Variants in TRHDE observed in about 807,000 individuals in gnomAD.
TRHDE encodes the protein thyrotropin releasing hormone degrading enzyme.
TRHDE carries 72 observed loss-of-function variants against 125.7 expected under a neutral mutation model. That is an observed-to-expected ratio of 0.57 (90% confidence interval 0.47 to 0.70). TRHDE has a LOEUF of 0.70. TRHDE is among the 30% of genes least tolerant of loss of function. TRHDE has a pLI of 0.00. For missense variants in TRHDE, 1,110 were observed against 1,327.1 expected, an observed-to-expected ratio of 0.84 and a Z score of 2.54; for synonymous variants, 509 against 509.1, an observed-to-expected ratio of 1.00 and a Z score of 0.00.
chr12:72,131,500 C>T (rs1875865830), intron 2 of TRHDE, among the ~76,000 whole-genome samples: 1 of 151,830 alleles, frequency 6.6e-6, no homozygotes, highest in Admixed American at 6.6e-5. Flanking sequence ...CCCCTTTTCC[C>T]ATATATCTTT....
chr12:72,638,598 C>G (rs1295702139), intron 15 of TRHDE, among the ~76,000 whole-genome samples: 3 of 151,894 alleles, frequency 2.0e-5, no homozygotes, highest in Non-Finnish European at 4.4e-5. Flanking sequence ...TCTTCCTAGT[C>G]TCGATGGTCT....
intron 2 of TRHDE, among the ~76,000 whole-genome samples, chr12:72,360,555 C>A (rs1456310646): frequency 6.6e-6 from 1 of 151,642 alleles, no homozygotes; most frequent in East Asian, 1.9e-4. Flanking sequence ...TATTTCATAC[C>A]CATTGTTTAA....
At chr12:72,222,053 C>T (rs555654679) in intron 2 of TRHDE, among the ~76,000 whole-genome samples, 50 of 152,076 alleles carry the variant, frequency 3.3e-4, no homozygotes, top group African/African-American at 1.1e-3. Context: ...ACATCGTGGT[C>T]GAAGGCTTCA....
rs1025591980 is a variant in TRHDE at position 72,468,390 on chromosome 12, T to G, written c.1316-1368T>G. 1.3e-5 allele frequency among the ~76,000 whole-genome samples: 2 copies of G among 152,360 alleles called. 1 individual carries two copies. The highest frequency in any genetic ancestry group is 2.9e-5 in the Non-Finnish European group (2 of 68,036). The stretch of plus-strand genomic sequence containing the variant: ...ATATACATATTTCTCAGTTTCTTTG[T>G]CCTTTGCTTAAAAGCACTTAATTTT... On this transcript the variant is annotated intron_variant, in intron 3 of 18. Transcript: ENST00000261180.
intron 15 of TRHDE, among the ~76,000 whole-genome samples, chr12:72,624,766 A>G (rs1873190869): frequency 6.6e-6 from 1 of 151,964 alleles, no homozygotes; most frequent in Admixed American, 6.6e-5. Context: ...ATTGAGCTAC[A>G]TTCAGGTCTT....
chr12:72,639,951 T>C (rs1246080164), intron 15 of TRHDE, among the ~76,000 whole-genome samples: 1 of 72,252 alleles, frequency 1.4e-5, no homozygotes, highest in Admixed American at 1.8e-4. Context: ...TACTGCTGTC[T>C]TTTTGTTTGT....
intron 3 of TRHDE, chr12:72,432,143 C>G (rs1346703291): frequency 6.6e-6 from 1 of 152,466 alleles, no homozygotes; most frequent in Non-Finnish European, 1.5e-5. Flanking sequence ...AGAGCAACAG[C>G]ATTACAGAGA....
chr12:72,094,941 A>G (rs1376518357), intron 1 of TRHDE, among the ~76,000 whole-genome samples: 1 of 152,158 alleles, frequency 6.6e-6, no homozygotes, highest in Non-Finnish European at 1.5e-5. Flanking sequence ...TGAAACTGTT[A>G]TTGCTGTGGG....
chr12:72,121,759 A>C (rs2139301880), intron 2 of TRHDE, among the ~76,000 whole-genome samples: 1 of 123,888 alleles, frequency 8.1e-6, no homozygotes, highest in Admixed American at 9.9e-5. Flanking sequence ...ATAGTGGTTC[A>C]GTTTGGTGTT....
chr12:72,118,286 A>C lies in TRHDE; in HGVS notation n.279+12534A>C, dbSNP rs577122738. Among the ~76,000 whole-genome samples the C allele has an allele frequency of 1.4e-3, 210 of 151,908 alleles. 1 individual carries two copies. The highest frequency in any genetic ancestry group is 4.6e-3 in the African/African-American group (192 of 41,468). ...AAGGGATGTTTAATTTTATCAAATGATTTTTCAGCATTATTTGAAATGATC... is the reference window on the plus strand; with the variant it reads ...AAGGGATGTTTAATTTTATCAAATGCTTTTTCAGCATTATTTGAAATGATC... On this transcript the variant is annotated intron_variant and non_coding_transcript_variant, in intron 2 of 4. Transcript: ENST00000548156.
chr12:72,325,969 T>C (rs1335439876), intron 2 of TRHDE, among the ~76,000 whole-genome samples: 1 of 152,182 alleles, frequency 6.6e-6, no homozygotes, highest in Non-Finnish European at 1.5e-5. Flanking sequence ...AAGGGTCTTA[T>C]TCTTGTGGCA....
At chr12:72,234,837 C>T (rs1878311308) in intron 2 of TRHDE, among the ~76,000 whole-genome samples, 1 of 152,136 alleles carries the variant, frequency 6.6e-6, no homozygotes, top group South Asian at 2.1e-4. Flanking sequence ...TAAAAATGAC[C>T]TGTAGTTCCT....
intron 5 of TRHDE, among the ~76,000 whole-genome samples, chr12:72,481,490 C>T (rs377110875): frequency 6.6e-6 from 1 of 150,960 alleles, no homozygotes; most frequent in East Asian, 1.9e-4. Flanking sequence ...CAACACTTTA[C>T]ATATATTAAT....
rs768541893 is a variant in TRHDE, at chr12:72,563,057, T to TA, written c.2042+18dup. The TA allele has an allele frequency of 6.6e-7, 1 of 1,526,384 alleles. No homozygotes were observed. The highest frequency in any genetic ancestry group is 2.2e-5 in the Admixed American group (1 of 46,342). 94.6% of individuals were successfully genotyped at this position (1,526,384 alleles called of 1,614,324 possible). A position where few individuals can be genotyped will look rare whatever the true frequency, so the allele number is the denominator to read the frequency against. On this transcript the variant is annotated intron_variant, in intron 9 of 18. Coordinates refer to ENST00000261180, the MANE Select transcript of TRHDE (RefSeq NM_013381.3). ...GAATAACAGGTATGACATTCTTTTT[T>TA]ACGTGAAAAATATTGTTTTTATTCT...
At chr12:72,141,912 TA>T (rs370463915) in intron 2 of TRHDE, among the ~76,000 whole-genome samples, 29 of 152,248 alleles carry the variant, frequency 1.9e-4, no homozygotes, top group African/African-American at 7.0e-4. Flanking sequence ...TTTAGAGTGA[TA>T]AATTGGCAGC....
chr12:72,286,048 T>A (rs1196357289), intron 1 of TRHDE, among the ~76,000 whole-genome samples: 1 of 152,232 alleles, frequency 6.6e-6, no homozygotes, highest in African/African-American at 2.4e-5. Flanking sequence ...TGTGCAATAC[T>A]TTTTGAGTTA....
chr12:72,214,046 T>C (rs544996800), intron 2 of TRHDE, among the ~76,000 whole-genome samples: 1 of 152,294 alleles, frequency 6.6e-6, no homozygotes, highest in East Asian at 1.9e-4. Context: ...GTTAAAATTT[T>C]GTACATTTTA....
chr12:72,114,416 T>C (rs1875394337), intron 2 of TRHDE, among the ~76,000 whole-genome samples: 1 of 152,184 alleles, frequency 6.6e-6, no homozygotes, highest in Non-Finnish European at 1.5e-5. Context: ...TTTTCTATGT[T>C]ATAAATATTA....
chr12:72,187,477 C>T (rs1414683359), intron 2 of TRHDE, among the ~76,000 whole-genome samples: 58 of 104,570 alleles, frequency 5.5e-4, no homozygotes, highest in South Asian at 4.5e-4. Context: ...TGGTTGTGGT[C>T]GTGGTGGTGG....
Sources: gnomAD v4.1 joint callset for allele counts (sites outside exome capture counted in the v4.1 genomes callset) on GRCh38, gnomAD v4.1.1 for gene constraint, MANE v1.5 for transcripts, NCBI Gene and HGNC (gene_info 2026-07-23, HGNC 2026-07-21) for gene names.